The following ARHGAP15 variants were observed in gnomAD, a reference collection of about 807,000 sequenced individuals.
ARHGAP15 encodes Rho GTPase activating protein 15.
In ARHGAP15, 51 loss-of-function variants were observed where a neutral mutation model predicts 63.7. The ratio of observed to expected loss-of-function variants is 0.80; its 90% confidence interval spans 0.64 to 1.01. The LOEUF is 1.01. ARHGAP15 is among the 50% of genes least tolerant of loss of function. The pLI, the probability that ARHGAP15 is intolerant of heterozygous loss-of-function variation, is 0.00. For synonymous variants in ARHGAP15, 191 were observed against 193.8 expected, an observed-to-expected ratio of 0.99 and a Z score of 0.12; for missense variants, 560 against 564.6, an observed-to-expected ratio of 0.99 and a Z score of 0.08.
At chr2:143,271,647 T>G (rs1047741627) in intron 6 of ARHGAP15, among the ~76,000 whole-genome samples, 1 of 152,226 alleles carries the variant, frequency 6.6e-6, no homozygotes, top group African/African-American at 2.4e-5. Context: ...GGCTAATTTT[T>G]TTGTAACTTT....
intron 10 of ARHGAP15, among the ~76,000 whole-genome samples, chr2:143,535,467 G>A (rs1461343470): frequency 2.6e-5 from 4 of 152,156 alleles, no homozygotes; most frequent in South Asian, 2.1e-4. Flanking sequence ...AAAAAAGGAC[G>A]AATTCTAATT....
chr2:143,403,012 T>A (rs1235054405), intron 6 of ARHGAP15, among the ~76,000 whole-genome samples: 1 of 151,830 alleles, frequency 6.6e-6, no homozygotes, highest in East Asian at 1.9e-4. Context: ...TTTAAAAGGA[T>A]TCAAGTAAAA....
chr2:143,511,854 C>T (rs576532236), intron 9 of ARHGAP15, among the ~76,000 whole-genome samples: 57 of 152,306 alleles, frequency 3.7e-4, no homozygotes, highest in Middle Eastern at 3.4e-3. Context: ...TTAAATTCAA[C>T]AATGACAGTG....
chr2:143,548,489 A>G (rs571205280), intron 10 of ARHGAP15, among the ~76,000 whole-genome samples: 26 of 152,068 alleles, frequency 1.7e-4, no homozygotes, highest in African/African-American at 6.0e-4. Flanking sequence ...TTAGTATCAT[A>G]GGTTCTAAGC....
chr2:143,502,769 G>A (rs191320572), intron 9 of ARHGAP15, among the ~76,000 whole-genome samples: 1 of 152,052 alleles, frequency 6.6e-6, no homozygotes, highest in African/African-American at 2.4e-5. Context: ...TAGTAGAGAT[G>A]GGGTTTCACC....
chr2:143,416,070 G>A (rs894633767), intron 6 of ARHGAP15, among the ~76,000 whole-genome samples: 2 of 150,944 alleles, frequency 1.3e-5, no homozygotes, highest in Admixed American at 6.6e-5. Context: ...ACAAATCACC[G>A]CTAAAGAACT....
intron 6 of ARHGAP15, among the ~76,000 whole-genome samples, chr2:143,423,830 GTAT>G (rs1378621861): frequency 6.6e-6 from 1 of 152,030 alleles, no homozygotes; most frequent in Non-Finnish European, 1.5e-5. Flanking sequence ...TATGATGTAG[GTAT>G]TATTGTTTTT....
chr2:143,321,228 CAT>C (rs1684004606), intron 6 of ARHGAP15, among the ~76,000 whole-genome samples: 1 of 152,174 alleles, frequency 6.6e-6, no homozygotes, highest in Admixed American at 6.5e-5. Flanking sequence ...GTATACAAAA[CAT>C]ATAAACACAT....
chr2:143,618,228 A>T (rs1698519244), intron 11 of ARHGAP15, among the ~76,000 whole-genome samples: 2 of 152,226 alleles, frequency 1.3e-5, no homozygotes, highest in Non-Finnish European at 2.9e-5. Flanking sequence ...CCATTCCTTT[A>T]AATACTAAAC....
intron 9 of ARHGAP15, among the ~76,000 whole-genome samples, chr2:143,496,432 T>C (rs1692819660): frequency 6.6e-6 from 1 of 152,160 alleles, no homozygotes; most frequent in Admixed American, 6.5e-5. Context: ...GGAAAAAGAA[T>C]GAGCCAGAAT....
chr2:143,377,963 ATAAT>A (rs1334111222), intron 6 of ARHGAP15, among the ~76,000 whole-genome samples: 1 of 152,088 alleles, frequency 6.6e-6, no homozygotes, highest in Admixed American at 6.6e-5. Context: ...TTAAACATTA[ATAAT>A]TAATTTAATA....
chr2:143,664,682 A>C (rs1682054116), intron 12 of ARHGAP15, among the ~76,000 whole-genome samples: 1 of 152,152 alleles, frequency 6.6e-6, no homozygotes, highest in Non-Finnish European at 1.5e-5. Context: ...AAGACTAATA[A>C]AGAAAAAAAG....
chr2:143,495,863 TG>T (rs1207468722), intron 9 of ARHGAP15, among the ~76,000 whole-genome samples: 4 of 152,224 alleles, frequency 2.6e-5, no homozygotes, highest in Non-Finnish European at 4.4e-5. Flanking sequence ...ACTTTATCAG[TG>T]TTAGTCTGAG....
intron 13 of ARHGAP15, among the ~76,000 whole-genome samples, chr2:143,744,993 G>T (rs1052068366): frequency 2.0e-5 from 3 of 151,978 alleles, no homozygotes; most frequent in Admixed American, 1.3e-4. Flanking sequence ...TCTAAAATCC[G>T]CTTCAAATAT....
At chr2:143,718,145 C>A (rs1684892584) in intron 13 of ARHGAP15, among the ~76,000 whole-genome samples, 1 of 151,928 alleles carries the variant, frequency 6.6e-6, no homozygotes, top group Admixed American at 6.6e-5. Context: ...TATGAGATTT[C>A]AGTTCTCAAG....
intron 10 of ARHGAP15, among the ~76,000 whole-genome samples, chr2:143,538,082 A>C (rs1574599602): frequency 6.6e-6 from 1 of 152,114 alleles, no homozygotes; most frequent in African/African-American, 2.4e-5. Context: ...TTCTCCTTGA[A>C]GAGGTCCTTC....
chr2:143,430,138 G>A lies in ARHGAP15; in HGVS notation c.475-5463G>A, dbSNP rs570548826. Among the ~76,000 whole-genome samples the A allele has an allele frequency of 4.6e-5, 7 of 150,608 alleles. No homozygotes were observed. In the East Asian group the frequency reaches 9.7e-4, roughly 21 times the overall value. On this transcript the variant is annotated intron_variant, in intron 6 of 13. Coordinates refer to ENST00000295095, the MANE Select transcript of ARHGAP15 (RefSeq NM_018460.4). ...TTTCAAAACTTTCATGACAGATGGG[G>A]ATTACAAATGCATTTTAATAAGAGA...
At chr2:143,271,667 G>A (rs1681290514) in intron 6 of ARHGAP15, among the ~76,000 whole-genome samples, 1 of 152,162 alleles carries the variant, frequency 6.6e-6, no homozygotes, top group Non-Finnish European at 1.5e-5. Context: ...TAGTAGAGAC[G>A]GGGTTCCACC....
At chr2:143,407,070 G>T (rs536202059) in intron 6 of ARHGAP15, among the ~76,000 whole-genome samples, 3 of 152,008 alleles carry the variant, frequency 2.0e-5, no homozygotes, top group Admixed American at 2.0e-4. Context: ...GTGAAAAATA[G>T]AAATATTTGG....
Sources: gnomAD v4.1 joint callset for allele counts (sites outside exome capture counted in the v4.1 genomes callset) on GRCh38, gnomAD v4.1.1 for gene constraint, MANE v1.5 for transcripts, NCBI Gene and HGNC (gene_info 2026-07-23, HGNC 2026-07-21) for gene names.